SYT14: variants seen among roughly 807,000 people sequenced by gnomAD.
SYT14 encodes the protein synaptotagmin-14.
A neutral mutation model predicts 74.2 loss-of-function variants in SYT14; 32 were observed. That is an observed-to-expected ratio of 0.43 (90% confidence interval 0.33 to 0.58). The LOEUF (loss-of-function observed/expected upper bound fraction) is 0.58. Among genes scored for constraint, SYT14 ranks in the 20% least tolerant of loss-of-function variants. SYT14 has a pLI of 0.05. For synonymous variants in SYT14, 298 were observed against 337.7 expected (o/e 0.88, Z 1.29); for missense variants, 791 against 981.8 (o/e 0.81, Z 2.60).
intron 5 of SYT14, among the ~76,000 whole-genome samples, chr1:210,050,741 C>T (rs1361162924): frequency 6.6e-6 from 1 of 152,142 alleles, no homozygotes; most frequent in East Asian, 1.9e-4. Context: ...GGGAAACTCC[C>T]CTTCTAAAAC....
intron 2 of SYT14, among the ~76,000 whole-genome samples, chr1:209,991,147 T>C (rs2102841762): frequency 6.6e-6 from 1 of 152,286 alleles, no homozygotes; most frequent in Middle Eastern, 3.4e-3. Context: ...GATTAAAGCC[T>C]TAAATGTAAG....
At chr1:210,102,589 T>C (rs186713211) in intron 7 of SYT14, among the ~76,000 whole-genome samples, 21 of 152,306 alleles carry the variant, frequency 1.4e-4, no homozygotes, top group Admixed American at 1.3e-3. Flanking sequence ...TGCAGTTTAC[T>C]TGGGTGAGTT....
At chr1:210,144,612 A>C (rs1490393346) in intron 7 of SYT14, among the ~76,000 whole-genome samples, 3 of 152,050 alleles carry the variant, frequency 2.0e-5, no homozygotes, top group Admixed American at 2.0e-4. Flanking sequence ...TTCACTAACC[A>C]CTGTTGGAAA....
chr1:209,993,690 G>A (rs1294855230), intron 2 of SYT14, among the ~76,000 whole-genome samples: 1 of 152,178 alleles, frequency 6.6e-6, no homozygotes, highest in Non-Finnish European at 1.5e-5. Context: ...AAGAAACTCA[G>A]GCATGGGCGC....
intron 2 of SYT14, among the ~76,000 whole-genome samples, chr1:209,955,207 T>G (rs2078974742): frequency 6.6e-6 from 1 of 152,222 alleles, no homozygotes; most frequent in Admixed American, 6.5e-5. Context: ...TTCTTGGCTG[T>G]CTGAGCTCCC....
intron 2 of SYT14, chr1:209,965,821 T>C (rs1216993016): frequency 9.4e-6 from 4 of 427,748 alleles, no homozygotes; most frequent in Non-Finnish European, 1.8e-5. Flanking sequence ...TGAAATGCCT[T>C]TATCCTTTTG....
intron 2 of SYT14, among the ~76,000 whole-genome samples, chr1:209,979,315 C>G (rs933999586): frequency 1.3e-5 from 2 of 152,190 alleles, no homozygotes; most frequent in Non-Finnish European, 2.9e-5. Context: ...GAGCTCTAGA[C>G]TGGAGCTGTT....
intron 9 of SYT14, among the ~76,000 whole-genome samples, 187 bp downstream of exon 8, chr1:210,159,664 T>G (rs1203917019): frequency 6.6e-6 from 1 of 152,238 alleles, no homozygotes; most frequent in South Asian, 2.1e-4. Context: ...ATTCAGAGCA[T>G]ATATGAAATA....
chr1:210,134,576 T>C (rs1267232374), intron 7 of SYT14, among the ~76,000 whole-genome samples: 3 of 152,206 alleles, frequency 2.0e-5, no homozygotes, highest in East Asian at 1.9e-4. Context: ...TTCAACTGTT[T>C]ACAGAGTGTT....
chr1:210,025,015 G>A (rs1205527032), intron 5 of SYT14, among the ~76,000 whole-genome samples: 1 of 152,142 alleles, frequency 6.6e-6, no homozygotes, highest in Non-Finnish European at 1.5e-5. Flanking sequence ...AAGTGGTAAG[G>A]AAGTATACAT....
At chr1:210,036,550 C>T (rs1024118857) in intron 5 of SYT14, among the ~76,000 whole-genome samples, 2 of 151,898 alleles carry the variant, frequency 1.3e-5, no homozygotes, top group Non-Finnish European at 1.5e-5. Context: ...CTATTCAGTA[C>T]GATGCTGGCT....
At chr1:210,109,660 A>G (rs1334083225) in intron 7 of SYT14, among the ~76,000 whole-genome samples, 1 of 152,184 alleles carries the variant, frequency 6.6e-6, no homozygotes, top group African/African-American at 2.4e-5. Flanking sequence ...ATGCTTTTAC[A>G]CTGTTGGTGG....
intron 5 of SYT14, among the ~76,000 whole-genome samples, chr1:210,035,489 T>C (rs2080640587): frequency 6.6e-6 from 1 of 151,886 alleles, no homozygotes; most frequent in African/African-American, 2.4e-5. Flanking sequence ...ATTCTTTGTC[T>C]AGGCCAATGT....
chr1:210,058,905 G>A lies in SYT14; in HGVS notation c.1313-35417G>A, dbSNP rs2102404272. The stretch of plus-strand genomic sequence containing the variant: ...ACCTCACTTTGTCTCCCACTCAAAA[G>A]TTCCATGAACAGAAGCTTAGCTGGC... On this transcript the variant is annotated intron_variant, in intron 5 of 9. Coordinates refer to ENST00000637265, the Ensembl canonical transcript of SYT14. Among the ~76,000 whole-genome samples the A allele has an allele frequency of 2.0e-5, 3 of 152,268 alleles. 1 individual carries two copies. The South Asian group carries it at 6.2e-4, about 32-fold the overall frequency.
chr1:209,948,362 C>T (rs955676059), intron 1 of SYT14, among the ~76,000 whole-genome samples: 8 of 152,220 alleles, frequency 5.3e-5, no homozygotes, highest in African/African-American at 1.9e-4. Flanking sequence ...TCACAGCACA[C>T]GTGTGTGCCC....
At chr1:209,972,458 A>AT (rs1277347881) in intron 2 of SYT14, among the ~76,000 whole-genome samples, 3 of 151,174 alleles carry the variant, frequency 2.0e-5, no homozygotes, top group South Asian at 2.1e-4. Context: ...GATCATGAAG[A>AT]TTTTTTCTAT....
chr1:210,135,287 G>A (rs1291408794), intron 7 of SYT14, among the ~76,000 whole-genome samples: 2 of 152,002 alleles, frequency 1.3e-5, no homozygotes, highest in African/African-American at 4.8e-5. Flanking sequence ...TGGCTTCCCT[G>A]TCTTTTTTTT....
chr1:210,043,317 G>T (rs188135804), intron 5 of SYT14, among the ~76,000 whole-genome samples: 1 of 152,012 alleles, frequency 6.6e-6, no homozygotes, highest in African/African-American at 2.4e-5. Flanking sequence ...CCTAGTATCT[G>T]TTCCAATTTC....
At chr1:209,950,425 A>G (rs551549204) in intron 1 of SYT14, among the ~76,000 whole-genome samples, 10 of 152,314 alleles carry the variant, frequency 6.6e-5, no homozygotes, top group African/African-American at 2.2e-4. Context: ...GAACTGTAGT[A>G]TGTAGGTGTA....
Sources: gnomAD v4.1 joint callset for allele counts (sites outside exome capture counted in the v4.1 genomes callset) on GRCh38, gnomAD v4.1.1 for gene constraint, MANE v1.5 for transcripts, NCBI Gene and HGNC (gene_info 2026-07-23, HGNC 2026-07-21) for gene names.